The following UNC80 variants were observed in gnomAD, a reference collection of about 807,000 sequenced individuals.
UNC80 encodes protein unc-80 homolog.
A neutral mutation model predicts 384.6 loss-of-function variants in UNC80; 164 were observed. That is an observed-to-expected ratio of 0.43 (90% CI 0.38 to 0.49). The LOEUF (loss-of-function observed/expected upper bound fraction) is 0.49. Among genes scored for constraint, UNC80 ranks in the 20% least tolerant of loss-of-function variants. UNC80 has a pLI of 0.00. For missense variants in UNC80, 3,330 were observed against 4,143.0 expected (o/e 0.80, Z 5.39); for synonymous variants, 1,486 against 1,527.8 (o/e 0.97, Z 0.64).
At position 209,818,996 on chromosome 2, in the gene UNC80, G is replaced by C; in HGVS notation, c.1697G>C (p.Arg566Pro). ...GACATTGCTTTCATTTTATTAGTGC[G>C]ATCTCAGATCTCCACCATCACAGTT... Reference protein sequence around the residue: ...SHGENTVKEVRSQISTITVAT... With the variant: ...SHGENTVKEVPSQISTITVAT... The change falls in exon 12 of 65, where the codon CGA becomes CCA. Residue 566 changes from arginine (R) to proline (P), a missense_variant. Physicochemically the swap from Arg to Pro is moderately radical, Grantham distance 103. Transcript: ENST00000673920. 1 of 1,551,096 alleles carries C rather than the reference G, an allele frequency of 6.4e-7. No homozygotes were observed. Among genetic ancestry groups the C allele is most frequent in the Non-Finnish European group, 8.7e-7 (1 of 1,146,602 alleles).
At chr2:209,842,036 C>A (rs2081797716) in intron 20 of UNC80, among the ~76,000 whole-genome samples, 1 of 152,164 alleles carries the variant, frequency 6.6e-6, no homozygotes, top group Admixed American at 6.5e-5. Flanking sequence ...ATGACTATGT[C>A]TCGCTATTCA....
In UNC80 at chr2:209,932,706, A is replaced by T. The variant is rs116768462; in HGVS notation, c.5995-1116A>T. Reference sequence around the variant, plus strand: ...GAGTAAGTCTGCCATCTCAACCATTATTCTAGTGCACACAAGGAAGACCCA... The same window carrying T: ...GAGTAAGTCTGCCATCTCAACCATTTTTCTAGTGCACACAAGGAAGACCCA... On this transcript the variant is annotated intron_variant, in intron 38 of 64. Transcript: ENST00000673920. Among the ~76,000 whole-genome samples, 811 of 152,356 alleles carry T rather than the reference A, an allele frequency of 5.3e-3. 10 individuals are homozygous for T. The highest frequency in any genetic ancestry group is 0.018 in the African/African-American group (759 of 41,582).
intron 62 of UNC80, among the ~76,000 whole-genome samples, chr2:209,992,875 A>G (rs2093417952): frequency 6.6e-6 from 1 of 152,250 alleles, no homozygotes. Context: ...AAAGTCTGAA[A>G]GCAGCTTATC....
chr2:209,786,242 A>G, intron 5 of UNC80, 53 bp downstream of exon 5: 4 of 1,545,464 alleles, frequency 2.6e-6, no homozygotes, highest in Non-Finnish European at 3.5e-6. Context: ...CCTCACACAC[A>G]GTAGTTAGAG....
chr2:209,779,149 T>C (rs1014796087), intron 4 of UNC80, among the ~76,000 whole-genome samples: 1 of 152,200 alleles, frequency 6.6e-6, no homozygotes, highest in Non-Finnish European at 1.5e-5. Flanking sequence ...TAGGAAGCAC[T>C]GCTTTAATAG....
intron 9 of UNC80, 99 bp from the exon 10 acceptor site, chr2:209,816,810 C>T (rs2079775185): frequency 9.1e-7 from 1 of 1,095,662 alleles, no homozygotes; most frequent in African/African-American, 1.6e-5. Flanking sequence ...CTTCCTGGCA[C>T]ATTTCTTGTA....
chr2:209,966,751 A>G (rs1052735130), intron 51 of UNC80, among the ~76,000 whole-genome samples: 3 of 152,216 alleles, frequency 2.0e-5, no homozygotes, highest in African/African-American at 7.2e-5. Flanking sequence ...GAGTTGGGAA[A>G]TCTAAGAAGT....
chr2:209,801,753 T>C (rs1013080373), intron 7 of UNC80, among the ~76,000 whole-genome samples: 25 of 150,668 alleles, frequency 1.7e-4, no homozygotes, highest in African/African-American at 6.1e-4. Flanking sequence ...TTAAATGATC[T>C]ACCTCCAACT....
intron 21 of UNC80, among the ~76,000 whole-genome samples, chr2:209,847,404 A>G (rs1363089471): frequency 6.6e-6 from 1 of 151,912 alleles, no homozygotes; most frequent in Non-Finnish European, 1.5e-5. Context: ...TGCTATATAA[A>G]TACAATGCTA....
At chr2:209,964,898 T>TA (rs202210110) in intron 51 of UNC80, among the ~76,000 whole-genome samples, 4,902 of 151,856 alleles carry the variant, frequency 0.032, 161 homozygotes, top group South Asian at 0.14. Context: ...CCTAATTTGT[T>TA]AAAAAAAAGT....
rs368627996 is a variant in UNC80 at position 209,844,451 on chromosome 2, T to TTTTCTTTCTTTCTTTCTTTC, written c.3454+2014_3454+2033dup. Among the ~76,000 whole-genome samples, 70 of 58,224 alleles carry TTTTCTTTCTTTCTTTCTTTC rather than the reference T, an allele frequency of 1.2e-3. 2 individuals are homozygous for TTTTCTTTCTTTCTTTCTTTC. The highest frequency in any genetic ancestry group is 3.8e-3 in the South Asian group (4 of 1,062). The allele number at this position is 58,224 out of a possible 152,430, so 38.2% of individuals were successfully genotyped here. On this transcript the variant is annotated intron_variant, in intron 21 of 64. Transcript: ENST00000673920. Reference sequence around the variant, plus strand: ...CTCTTTCTCTTTTCTTGCTCTTTTCTTTTCTTTCTTTCTTTCTTTCTTTCT... The same window carrying TTTTCTTTCTTTCTTTCTTTC: ...CTCTTTCTCTTTTCTTGCTCTTTTCTTTTCTTTCTTTCTTTCTTTCTTTCTTTCTTTCTTTCTTTCTTTCT...
At chr2:209,946,549 T>C (rs1186196125) in intron 47 of UNC80, among the ~76,000 whole-genome samples, 1 of 152,194 alleles carries the variant, frequency 6.6e-6, no homozygotes, top group African/African-American at 2.4e-5. Context: ...TCACAAGTAA[T>C]GTGAATTAGT....
At chr2:209,772,969 T>C (rs2076661822) in intron 1 of UNC80, 125 bp from the exon 2 acceptor site, 1 of 749,702 alleles carries the variant, frequency 1.3e-6, no homozygotes, top group Non-Finnish European at 2.2e-6. Flanking sequence ...ATTAAAAAGC[T>C]ATAAGGAAGC....
chr2:209,993,602 C>T (rs1340672439), intron 63 of UNC80, among the ~76,000 whole-genome samples, 176 bp downstream of exon 63: 1 of 152,170 alleles, frequency 6.6e-6, no homozygotes, highest in Non-Finnish European at 1.5e-5. Context: ...TTGCCTTCCC[C>T]AGTCCCTGTC....
intron 52 of UNC80, chr2:209,968,431 T>C (rs977000852): frequency 6.6e-6 from 1 of 152,202 alleles, no homozygotes; most frequent in African/African-American, 2.4e-5. Context: ...TAGCACTTAA[T>C]GTTCAATTCA....
At chr2:209,951,084 G>A (rs1034192756) in intron 47 of UNC80, among the ~76,000 whole-genome samples, 1 of 151,974 alleles carries the variant, frequency 6.6e-6, no homozygotes, top group African/African-American at 2.4e-5. Context: ...AAGGTGGGAG[G>A]ATTGCTTGAG....
chr2:209,793,355 T>A (rs1255676438), intron 6 of UNC80, among the ~76,000 whole-genome samples: 1 of 152,228 alleles, frequency 6.6e-6, no homozygotes, highest in East Asian at 1.9e-4. Context: ...ACCTGGTGCT[T>A]CTATTTTAGC....
chr2:209,840,599 T>G lies in UNC80; in HGVS notation c.3308T>G (p.Leu1103Arg). Residue 1103 changes from leucine (L) to arginine (R), a missense_variant, in exon 20 of 65, where the codon CTG (leucine) becomes CGG (arginine). By Grantham distance (102) the Leu-to-Arg change is moderately radical (BLOSUM62 -2). Coordinates refer to ENST00000673920, the MANE Select transcript of UNC80 (RefSeq NM_001371986.1). ...CTGGCAGATGGTGTGGAGGACCTCCTGGACATTAGCTCTGTGGACCGACTC... is the reference window on the plus strand; with the variant it reads ...CTGGCAGATGGTGTGGAGGACCTCCGGGACATTAGCTCTGTGGACCGACTC... Reference protein sequence around the residue: ...SGLADGVEDLLDISSVDRLSF... With the variant: ...SGLADGVEDLRDISSVDRLSF... 6.4e-7 allele frequency: 1 copy of G among 1,552,010 alleles called. No individual in the cohort carries two copies. Among genetic ancestry groups the G allele is most frequent in the East Asian group, 2.4e-5 (1 of 40,908 alleles).
chr2:209,933,735 G>A (rs2091054171), intron 38 of UNC80, 87 bp from the exon 39 acceptor site: 6 of 1,204,476 alleles, frequency 5.0e-6, no homozygotes, highest in Non-Finnish European at 6.9e-6. Flanking sequence ...GAAGAAGGTC[G>A]AGTTTAAAAC....
Sources: allele counts gnomAD v4.1 joint callset (sites outside exome capture counted in the v4.1 genomes callset), GRCh38; gene constraint gnomAD v4.1.1; transcripts MANE v1.5; gene names NCBI Gene and HGNC (gene_info 2026-07-23, HGNC 2026-07-21).